Variants in BTBD9 observed in about 807,000 individuals in gnomAD.
The protein encoded by BTBD9 is BTB/POZ domain-containing protein 9.
BTBD9 carries 49 observed loss-of-function variants against 64.3 expected under a neutral mutation model. The ratio of observed to expected loss-of-function variants is 0.76; its 90% CI spans 0.61 to 0.97. BTBD9 has a LOEUF of 0.97. BTBD9 is among the 50% of genes least tolerant of loss of function. The pLI, the probability that BTBD9 is intolerant of heterozygous loss-of-function variation, is 0.00. For synonymous variants in BTBD9, 260 were observed against 274.7 expected (o/e 0.95, Z 0.53); for missense variants, 598 against 762.1 (o/e 0.78, Z 2.53).
chr6:38,470,151 C>T (rs1214225179), intron 6 of BTBD9, among the ~76,000 whole-genome samples: 1 of 152,102 alleles, frequency 6.6e-6, no homozygotes, highest in African/African-American at 2.4e-5. Context: ...GTTTTGTTGC[C>T]AGTAATCTTT....
chr6:38,507,097 T>C (rs1422745888), intron 6 of BTBD9, among the ~76,000 whole-genome samples: 1 of 152,226 alleles, frequency 6.6e-6, no homozygotes, highest in African/African-American at 2.4e-5. Flanking sequence ...CGGATCTCAG[T>C]TTAAAATAAC....
chr6:38,634,213 A>G (rs543449273), intron 1 of BTBD9, among the ~76,000 whole-genome samples: 1 of 152,306 alleles, frequency 6.6e-6, no homozygotes, highest in African/African-American at 2.4e-5. Context: ...TTGCACAGCT[A>G]CTGTTTTATT....
At chr6:38,558,323 A>C (rs918127018) in intron 6 of BTBD9, among the ~76,000 whole-genome samples, 9 of 151,792 alleles carry the variant, frequency 5.9e-5, no homozygotes, top group Non-Finnish European at 1.2e-4. Context: ...TTCCAAGTAT[A>C]GAATCATACT....
chr6:38,414,366 A>T (rs1053237448), intron 6 of BTBD9, among the ~76,000 whole-genome samples: 2 of 152,192 alleles, frequency 1.3e-5, no homozygotes, highest in Admixed American at 1.3e-4. Context: ...CATACATAAT[A>T]GCTAATAGTG....
At chr6:38,545,779 A>AC (rs1491237961) in intron 6 of BTBD9, among the ~76,000 whole-genome samples, 58 of 39,848 alleles carry the variant, frequency 1.5e-3, no homozygotes, top group East Asian at 6.7e-3. Flanking sequence ...ACTCCGTCTC[A>AC]AAAAAAAAAA....
chr6:38,470,061 A>G (rs2127366155), intron 6 of BTBD9, among the ~76,000 whole-genome samples: 1 of 152,348 alleles, frequency 6.6e-6, no homozygotes, highest in South Asian at 2.1e-4. Context: ...AACAAGTTCC[A>G]AAGAGAAAAC....
intron 9 of BTBD9, among the ~76,000 whole-genome samples, chr6:38,246,254 G>A (rs1379113144): frequency 6.6e-6 from 1 of 152,184 alleles, no homozygotes; most frequent in Admixed American, 6.5e-5. Flanking sequence ...TAAATGTGCA[G>A]GTATGACTGG....
intron 1 of BTBD9, among the ~76,000 whole-genome samples, chr6:38,602,997 CAG>C (rs1277057113): frequency 6.6e-6 from 1 of 152,088 alleles, no homozygotes; most frequent in Non-Finnish European, 1.5e-5. Flanking sequence ...AGACTTAAGG[CAG>C]ATTTTCCCAG....
intron 6 of BTBD9, among the ~76,000 whole-genome samples, chr6:38,465,185 C>G (rs1770287128): frequency 6.6e-6 from 1 of 151,958 alleles, no homozygotes; most frequent in Non-Finnish European, 1.5e-5. Flanking sequence ...GTCCCAGCTA[C>G]TTGGAAGGCT....
chr6:38,500,271 G>T (rs1198581925), intron 6 of BTBD9, among the ~76,000 whole-genome samples: 1 of 151,790 alleles, frequency 6.6e-6, no homozygotes, highest in Non-Finnish European at 1.5e-5. Context: ...GTGGTAGTAG[G>T]GGGGACCTGG....
chr6:38,337,943 T>C (rs1195865921), intron 7 of BTBD9, among the ~76,000 whole-genome samples: 1 of 152,136 alleles, frequency 6.6e-6, no homozygotes, highest in Non-Finnish European at 1.5e-5. Flanking sequence ...TTGTTTCCGG[T>C]GGTACTGAAG....
intron 4 of BTBD9, among the ~76,000 whole-genome samples, chr6:38,589,393 C>T (rs1258800676): frequency 6.6e-6 from 1 of 152,170 alleles, no homozygotes. Flanking sequence ...AGTTCTAGGG[C>T]CTTTTCAGCA....
intron 9 of BTBD9, among the ~76,000 whole-genome samples, chr6:38,246,442 C>T (rs781662917): frequency 6.6e-6 from 1 of 150,796 alleles, no homozygotes; most frequent in Non-Finnish European, 1.5e-5. Flanking sequence ...TAGGGTCAGA[C>T]TTGGCGCACG....
chr6:38,316,881 T>C (rs532536802), intron 7 of BTBD9, among the ~76,000 whole-genome samples: 8 of 152,378 alleles, frequency 5.3e-5, no homozygotes, highest in Admixed American at 4.6e-4. Context: ...AGGTCTAGTG[T>C]TGATGAAATC....
chr6:38,499,130 G>A (rs573374909), intron 6 of BTBD9, among the ~76,000 whole-genome samples: 1 of 150,658 alleles, frequency 6.6e-6, no homozygotes, highest in South Asian at 2.1e-4. Flanking sequence ...TTGACAGGAG[G>A]TTAAGCAATA....
intron 6 of BTBD9, among the ~76,000 whole-genome samples, chr6:38,446,840 T>C (rs554126796): frequency 6.6e-6 from 1 of 152,294 alleles, no homozygotes; most frequent in South Asian, 2.1e-4. Flanking sequence ...ACTAAATAGC[T>C]AGGCAGAGCG....
chr6:38,412,301 G>A (rs1404438211), intron 6 of BTBD9, among the ~76,000 whole-genome samples: 2 of 152,088 alleles, frequency 1.3e-5, no homozygotes, highest in South Asian at 2.1e-4. Context: ...AGAACCAAGC[G>A]GAGTTCACAG....
chr6:38,450,397 C>T (rs948692719), intron 6 of BTBD9, among the ~76,000 whole-genome samples: 1 of 152,102 alleles, frequency 6.6e-6, no homozygotes, highest in African/African-American at 2.4e-5. Flanking sequence ...TTGAAAAACG[C>T]TGAGAGAGTG....
At chr6:38,472,531 A>T (rs1770694994) in intron 6 of BTBD9, among the ~76,000 whole-genome samples, 1 of 151,996 alleles carries the variant, frequency 6.6e-6, no homozygotes, top group Non-Finnish European at 1.5e-5. Flanking sequence ...TATATAACTT[A>T]AAAAAAATTA....
Sources: allele counts gnomAD v4.1 joint callset (sites outside exome capture counted in the v4.1 genomes callset), GRCh38; gene constraint gnomAD v4.1.1; transcripts MANE v1.5; gene names NCBI Gene and HGNC (gene_info 2026-07-23, HGNC 2026-07-21).